Variants in EGFLAM observed in about 807,000 individuals in gnomAD.
EGFLAM encodes pikachurin.
EGFLAM carries 79 observed loss-of-function variants against 113.1 expected under a neutral mutation model. The ratio of observed to expected loss-of-function variants is 0.70; its 90% CI spans 0.58 to 0.84. The LOEUF (loss-of-function observed/expected upper bound fraction) is 0.84, where lower values mean the gene tolerates loss of function less well. EGFLAM is among the 40% of genes least tolerant of loss of function. EGFLAM has a pLI of 0.00. For synonymous variants in EGFLAM, 504 were observed against 487.6 expected (o/e 1.03, Z -0.44); for missense variants, 1,265 against 1,291.6 (o/e 0.98, Z 0.32).
intron 1 of EGFLAM, among the ~76,000 whole-genome samples, chr5:38,270,060 C>T (rs10037969): frequency 0.19 from 28,406 of 152,166 alleles, 2,773 homozygotes; most frequent in Middle Eastern, 0.21. Flanking sequence ...TTCAACCAGG[C>T]TTCACTTAGA....
chr5:38,363,479 G>A (rs1169172717), intron 5 of EGFLAM, among the ~76,000 whole-genome samples: 3 of 152,122 alleles, frequency 2.0e-5, no homozygotes, highest in Non-Finnish European at 2.9e-5. Context: ...AATCACAATG[G>A]TATTAACAAT....
chr5:38,441,493 C>T (rs1742531731), intron 17 of EGFLAM, among the ~76,000 whole-genome samples: 2 of 152,080 alleles, frequency 1.3e-5, no homozygotes, highest in Non-Finnish European at 2.9e-5. Flanking sequence ...CCCAGTTCCT[C>T]AGAGCTTGTG....
At chr5:38,276,550 TTAGTGGAAGAGAATAA>T (rs1383726747) in intron 1 of EGFLAM, among the ~76,000 whole-genome samples, 3 of 151,652 alleles carry the variant, frequency 2.0e-5, no homozygotes, top group Non-Finnish European at 4.4e-5. Context: ...AAACTCAAAA[TTAGTGGAAGAGAATAA>T]TAAAGACTAG....
intron 17 of EGFLAM, chr5:38,445,463 G>T (rs1350135502): frequency 7.1e-7 from 1 of 1,414,546 alleles, no homozygotes; most frequent in Non-Finnish European, 9.3e-7. Flanking sequence ...TGAGGAGGCG[G>T]GTGGCTGGGT....
intron 17 of EGFLAM, among the ~76,000 whole-genome samples, chr5:38,446,821 C>G (rs966030258): frequency 6.6e-6 from 1 of 152,132 alleles, no homozygotes; most frequent in Admixed American, 6.5e-5. Flanking sequence ...CTTGGGGGCC[C>G]ATTGTCATAG....
chr5:38,322,316 G>A (rs1738763911), intron 1 of EGFLAM, among the ~76,000 whole-genome samples: 1 of 152,210 alleles, frequency 6.6e-6, no homozygotes, highest in Admixed American at 6.5e-5. Context: ...TCTGGGCAGG[G>A]AATTCCAGGG....
chr5:38,331,387 A>T (rs1000714175), intron 1 of EGFLAM, among the ~76,000 whole-genome samples: 9 of 152,280 alleles, frequency 5.9e-5, no homozygotes, highest in African/African-American at 1.7e-4. Context: ...GAACCCTCTG[A>T]ACTCTGCCTA....
In EGFLAM at chr5:38,406,972, C is replaced by A. The variant is rs746399881; in HGVS notation, c.973C>A (p.Pro325Thr). 6.2e-7 allele frequency: 1 copy of A among 1,614,204 alleles called. No homozygotes were observed. Among genetic ancestry groups the A allele is most frequent in the Admixed American group, 1.7e-5 (1 of 60,026 alleles). Residue 325 changes from proline (P) to threonine (T), a missense_variant, in exon 8 of 22, where the codon CCC becomes ACC. Transcript: ENST00000322350. ...SLPVTTVAPQ[P>T]IPIQRKGKNG... ...CCCTGTGACCACGGTGGCTCCCCAG[C>A]CCATTCCCATACAGAGAAAGGGGAA...
chr5:38,448,174 AG>A lies in EGFLAM; in HGVS notation c.2465-124del. 2 of 1,028,788 alleles carry A rather than the reference AG, an allele frequency of 1.9e-6. 1 individual carries two copies. Among genetic ancestry groups the A allele is most frequent in the South Asian group, 2.8e-5 (2 of 70,504 alleles). 63.7% of individuals were successfully genotyped at this position (1,028,788 alleles called of 1,614,324 possible). On this transcript the variant is annotated intron_variant, in intron 17 of 21. Coordinates refer to ENST00000322350, the MANE Select transcript of EGFLAM (RefSeq NM_152403.4). The stretch of plus-strand genomic sequence containing the variant: ...CCTGGCCAAATATGCGTGCAGCCGA[AG>A]GGAAGGGGCTGATGAATTGTTAAAC...
intron 12 of EGFLAM, among the ~76,000 whole-genome samples, chr5:38,423,023 C>T (rs2112178616): frequency 6.6e-6 from 1 of 152,242 alleles, no homozygotes; most frequent in East Asian, 1.9e-4. Flanking sequence ...TCTTTCAAGG[C>T]CTGATACCAG....
intron 1 of EGFLAM, among the ~76,000 whole-genome samples, chr5:38,334,281 C>T (rs72740317): frequency 0.093 from 14,130 of 152,220 alleles, 817 homozygotes; most frequent in Middle Eastern, 0.14. Flanking sequence ...TATCAAAATA[C>T]TATAGATTGG....
chr5:38,449,000 G>T (rs1022257153), intron 18 of EGFLAM, among the ~76,000 whole-genome samples: 1 of 152,246 alleles, frequency 6.6e-6, no homozygotes. Context: ...AGAAGTCCCA[G>T]CCCTGGCCTG....
intron 2 of EGFLAM, among the ~76,000 whole-genome samples, chr5:38,338,494 C>A (rs1739244137): frequency 6.6e-6 from 1 of 152,202 alleles, no homozygotes; most frequent in Admixed American, 6.5e-5. Context: ...TGATATGTGT[C>A]TTCCTCCTGG....
At position 38,453,753 on chromosome 5, in the gene EGFLAM, G is replaced by T. The variant is rs1222723515; in HGVS notation, c.2687+2295G>T. ...GGCCTCAAGTACTTGATTGTGCCCA[G>T]AAAAGAGAACCGAAACAGAAGCTCA... On this transcript the variant is annotated intron_variant, in intron 19 of 21. Transcript: ENST00000322350. Among the ~76,000 whole-genome samples, 4 of 152,112 alleles carry T rather than the reference G, an allele frequency of 2.6e-5. No individual in the cohort carries two copies. In the East Asian group the frequency reaches 7.7e-4, roughly 29 times the overall value.
At chr5:38,291,615 G>A (rs141423965) in intron 1 of EGFLAM, among the ~76,000 whole-genome samples, 2 of 152,318 alleles carry the variant, frequency 1.3e-5, no homozygotes, top group East Asian at 1.9e-4. Context: ...GAATGAAAAT[G>A]GTTTGCTCAA....
chr5:38,314,247 C>G (rs868748327), intron 1 of EGFLAM, among the ~76,000 whole-genome samples: 1 of 152,186 alleles, frequency 6.6e-6, no homozygotes, highest in African/African-American at 2.4e-5. Context: ...AATAATTCAT[C>G]CATTCCCCAT....
chr5:38,360,294 A>G (rs548295269), intron 5 of EGFLAM, among the ~76,000 whole-genome samples: 1 of 152,354 alleles, frequency 6.6e-6, no homozygotes, highest in African/African-American at 2.4e-5. Context: ...TGAGGCTTAT[A>G]CCCTGATTCA....
chr5:38,409,742 G>A (rs1167053493), intron 10 of EGFLAM, among the ~76,000 whole-genome samples: 3 of 152,152 alleles, frequency 2.0e-5, no homozygotes, highest in Non-Finnish European at 4.4e-5. Flanking sequence ...AACCTCCTAT[G>A]GGCTTACCAT....
intron 6 of EGFLAM, among the ~76,000 whole-genome samples, chr5:38,386,193 G>T (rs2112075471): frequency 6.6e-6 from 1 of 152,316 alleles, no homozygotes; most frequent in East Asian, 1.9e-4. Flanking sequence ...TTACCAAAAG[G>T]ATCAGCCATT....
Sources: allele counts gnomAD v4.1 joint callset (sites outside exome capture counted in the v4.1 genomes callset), GRCh38; gene constraint gnomAD v4.1.1; transcripts MANE v1.5; gene names NCBI Gene and HGNC (gene_info 2026-07-23, HGNC 2026-07-21).